C1QTNF3: variants seen among roughly 807,000 people sequenced by gnomAD.
The protein encoded by C1QTNF3 is C1q and TNF related 3.
A neutral mutation model predicts 32.6 loss-of-function variants in C1QTNF3; 26 were observed. The observed-to-expected ratio is 0.80, with a 90% CI of 0.58 to 1.11. C1QTNF3 has a LOEUF of 1.11. Among genes scored for constraint, C1QTNF3 ranks in the 50% least tolerant of loss-of-function variants. C1QTNF3 has a pLI of 0.00. For missense variants in C1QTNF3, 362 were observed against 398.2 expected (o/e 0.91, Z 0.77); for synonymous variants, 155 against 146.0 (o/e 1.06, Z -0.44).
the C1QTNF3 span, among the ~76,000 whole-genome samples, chr5:34,083,639 TCTG>T: frequency 6.6e-6 from 1 of 151,744 alleles, no homozygotes; most frequent in Non-Finnish European, 1.5e-5. Context: ...AAAAAGACAT[TCTG>T]CTAATTTTGC....
At chr5:34,162,226 G>C in the C1QTNF3 span, among the ~76,000 whole-genome samples, 3 of 152,154 alleles carry the variant, frequency 2.0e-5, no homozygotes, top group Non-Finnish European at 1.5e-5. Flanking sequence ...TGGCAGGTGA[G>C]TGCCTACATT....
the C1QTNF3 span, among the ~76,000 whole-genome samples, chr5:34,131,925 A>C: frequency 1.3e-5 from 2 of 152,222 alleles, no homozygotes; most frequent in Non-Finnish European, 2.9e-5. Flanking sequence ...AAATATAATA[A>C]TTAAGAAAAA....
rs761099252 is a variant in C1QTNF3 at position 34,043,134 on chromosome 5, A to G, written c.-9T>C. On this transcript the variant is annotated 5_prime_UTR_variant, in exon 1 of 6. Coordinates refer to ENST00000382065, the MANE Select transcript of C1QTNF3 (RefSeq NM_181435.6). ...AGCTGCCTCCAAAGCATGATTCTCA[A>G]CAGAGCCTCAGAGTCTCCCTGAGAA... 1.9e-6 allele frequency: 3 copies of G among 1,607,180 alleles called. No homozygotes were observed. The highest frequency in any genetic ancestry group is 1.7e-5 in the Admixed American group (1 of 59,734).
the C1QTNF3 span, chr5:34,175,479 T>C: frequency 4.5e-5 from 11 of 245,006 alleles, no homozygotes; most frequent in Non-Finnish European, 7.9e-5. Context: ...TCCTCTGGAA[T>C]GATGAGTGTA....
At chr5:34,033,539 C>T in intron 2 of C1QTNF3, 81 bp from the exon 3 acceptor site, 1 of 1,565,524 alleles carries the variant, frequency 6.4e-7, no homozygotes, top group Non-Finnish European at 8.8e-7. Flanking sequence ...TATCCAAACT[C>T]AATTATGAAA....
At chr5:34,127,592 T>A in the C1QTNF3 span, among the ~76,000 whole-genome samples, 9 of 148,162 alleles carry the variant, frequency 6.1e-5, no homozygotes, top group East Asian at 2.0e-4. Context: ...CTTTTCCTTT[T>A]TTTTTTTTTT....
At chr5:34,065,703 G>C in the C1QTNF3 span, among the ~76,000 whole-genome samples, 1 of 151,988 alleles carries the variant, frequency 6.6e-6, no homozygotes, top group Non-Finnish European at 1.5e-5. Flanking sequence ...ATGCTGGAGA[G>C]GCTGCAGAGA....
the C1QTNF3 span, chr5:34,165,562 C>T: frequency 2.6e-5 from 4 of 152,014 alleles, no homozygotes; most frequent in East Asian, 7.7e-4. Flanking sequence ...TCATTGATGC[C>T]TCTTCTTCTA....
the C1QTNF3 span, among the ~76,000 whole-genome samples, chr5:34,202,659 A>C: frequency 6.6e-6 from 1 of 151,938 alleles, no homozygotes; most frequent in Non-Finnish European, 1.5e-5. Context: ...TGCTTATGTT[A>C]ATTGATATGT....
chr5:34,054,276 T>C, the C1QTNF3 span, among the ~76,000 whole-genome samples: 6 of 152,134 alleles, frequency 3.9e-5, no homozygotes, highest in African/African-American at 1.4e-4. Flanking sequence ...TCCTCCACAC[T>C]GGGAAACTTT....
At chr5:34,158,209 C>A in the C1QTNF3 span, 2 of 151,690 alleles carry the variant, frequency 1.3e-5, no homozygotes, top group Admixed American at 1.3e-4. Flanking sequence ...CGGGTTCAAG[C>A]AATTCTCCTG....
At chr5:34,042,759 C>CG in intron 1 of C1QTNF3, 64 bp downstream of exon 1, 1 of 1,272,684 alleles carries the variant, frequency 7.9e-7, no homozygotes, top group Admixed American at 2.6e-5. Context: ...AGAACAACAA[C>CG]AAAACAACAA....
At chr5:34,126,740 C>T in the C1QTNF3 span, among the ~76,000 whole-genome samples, 2 of 151,272 alleles carry the variant, frequency 1.3e-5, no homozygotes, top group Admixed American at 1.3e-4. Context: ...TATATATATA[C>T]AATGGAATAT....
the C1QTNF3 span, among the ~76,000 whole-genome samples, chr5:34,129,905 T>C: frequency 2.6e-5 from 4 of 152,072 alleles, no homozygotes; most frequent in African/African-American, 9.7e-5. Flanking sequence ...CTTGTTTTCA[T>C]GCATAACATT....
At chr5:34,204,130 A>G in the C1QTNF3 span, among the ~76,000 whole-genome samples, 2 of 152,216 alleles carry the variant, frequency 1.3e-5, no homozygotes, top group African/African-American at 4.8e-5. Flanking sequence ...CAGAAAACAA[A>G]TAAACATAAG....
At chr5:34,116,455 TCTTTC>T in the C1QTNF3 span, among the ~76,000 whole-genome samples, 1 of 151,442 alleles carries the variant, frequency 6.6e-6, no homozygotes, top group African/African-American at 2.4e-5. Flanking sequence ...AATTGTCTAT[TCTTTC>T]CTTCAATTCT....
chr5:34,241,978 A>AAGGAAGGAAGGAAGGG, the C1QTNF3 span, among the ~76,000 whole-genome samples: 3 of 149,654 alleles, frequency 2.0e-5, no homozygotes, highest in African/African-American at 7.3e-5. Flanking sequence ...GGAAGGAAGG[A>AAGGAAGGAAGGAAGGG]AGGAAGGAAG....
At chr5:34,145,327 A>G in the C1QTNF3 span, among the ~76,000 whole-genome samples, 1 of 152,050 alleles carries the variant, frequency 6.6e-6, no homozygotes, top group Non-Finnish European at 1.5e-5. Context: ...ATTACAAATG[A>G]TTTTTCAGAA....
At chr5:34,054,095 A>G in the C1QTNF3 span, among the ~76,000 whole-genome samples, 8 of 152,170 alleles carry the variant, frequency 5.3e-5, no homozygotes, top group African/African-American at 1.9e-4. Flanking sequence ...TTGCTTCTGC[A>G]CACTGCCCAG....
Sources: allele counts gnomAD v4.1 joint callset (sites outside exome capture counted in the v4.1 genomes callset), GRCh38; gene constraint gnomAD v4.1.1; transcripts MANE v1.5; gene names NCBI Gene and HGNC (gene_info 2026-07-23, HGNC 2026-07-21).